Variants in TLL2 observed in about 807,000 individuals in gnomAD.
TLL2 encodes tolloid-like protein 2.
TLL2 carries 106 observed loss-of-function variants against 123.0 expected under a neutral mutation model. The ratio of observed to expected loss-of-function variants is 0.86; its 90% CI spans 0.74 to 1.01. TLL2 has a LOEUF of 1.01. Among genes scored for constraint, TLL2 ranks in the 50% least tolerant of loss-of-function variants. The pLI is 0.00. For missense variants in TLL2, 1,332 were observed against 1,336.7 expected (o/e 1.00, Z 0.06); for synonymous variants, 494 against 516.8 (o/e 0.96, Z 0.60).
chr10:96,437,216 A>T (rs1846805613), intron 3 of TLL2, among the ~76,000 whole-genome samples: 1 of 152,310 alleles, frequency 6.6e-6, no homozygotes, highest in East Asian at 1.9e-4. Context: ...ATAAATTGAA[A>T]TTTTTATTTA....
chr10:96,376,839 A>G lies in TLL2; in HGVS notation c.2321-20T>C. ...AGCCAGCTGGGGGTGGCAGGGGGAC[A>G]CATACAAAGAGAGAAGTCATTCACT... On this transcript the variant is annotated intron_variant, in intron 17 of 20. Transcript: ENST00000357947. 1 of 1,505,596 alleles carries G rather than the reference A, an allele frequency of 6.6e-7. No homozygotes were observed. Among genetic ancestry groups the G allele is most frequent in the Middle Eastern group, 1.8e-4 (1 of 5,482 alleles). The allele number at this position is 1,505,596 out of a possible 1,614,324, so 93.3% of individuals were successfully genotyped here.
chr10:96,421,929 A>C (rs1846628180), intron 6 of TLL2, among the ~76,000 whole-genome samples: 1 of 152,228 alleles, frequency 6.6e-6, no homozygotes, highest in African/African-American at 2.4e-5. Context: ...AGTTAAGTTC[A>C]ATCCTAAATA....
At chr10:96,383,923 G>A (rs1203351446) in intron 16 of TLL2, among the ~76,000 whole-genome samples, 1 of 151,954 alleles carries the variant, frequency 6.6e-6, no homozygotes, top group Non-Finnish European at 1.5e-5. Context: ...GAGCCACCAC[G>A]CCCGGCCTAA....
chr10:96,448,780 T>G (rs1846925750), intron 2 of TLL2, among the ~76,000 whole-genome samples: 1 of 150,152 alleles, frequency 6.7e-6, no homozygotes, highest in Admixed American at 6.7e-5. Flanking sequence ...CGGGGGGAGG[T>G]GGGTACGACT....
At chr10:96,510,890 G>A (rs1236032327) in intron 1 of TLL2, among the ~76,000 whole-genome samples, 1 of 152,188 alleles carries the variant, frequency 6.6e-6, no homozygotes. Flanking sequence ...TGAGGACCAA[G>A]AGCACAAGCT....
At chr10:96,433,763 C>T (rs1381973885) in intron 3 of TLL2, among the ~76,000 whole-genome samples, 1 of 151,970 alleles carries the variant, frequency 6.6e-6, no homozygotes, top group Non-Finnish European at 1.5e-5. Flanking sequence ...TTTTTGCAGA[C>T]TCTTTTCTTT....
rs376213494 is a variant in TLL2, at chr10:96,421,010, C to T, written c.869G>A (p.Gly290Glu). 28 of 1,613,986 alleles carry T rather than the reference C, an allele frequency of 1.7e-5. No individual in the cohort carries two copies. Among genetic ancestry groups the T allele is most frequent in the Middle Eastern group, 1.6e-4 (1 of 6,082 alleles). ...KMEAGEVSSL[G>E]ETYDFDSIMH... Reference sequence around the variant, plus strand: ...GATGCTGTCAAAGTCGTATGTCTCTCCCAGAGAGCTCACTTCCCCAGCTTC... The same window carrying T: ...GATGCTGTCAAAGTCGTATGTCTCTTCCAGAGAGCTCACTTCCCCAGCTTC... The change falls in exon 7 of 21, where the codon GGA becomes GAA. Residue 290 changes from glycine (G) to glutamate (E), a missense_variant. Gly to Glu is a moderately conservative substitution (Grantham distance 98). Coordinates refer to ENST00000357947, the MANE Select transcript of TLL2 (RefSeq NM_012465.4).
intron 9 of TLL2, among the ~76,000 whole-genome samples, chr10:96,408,476 A>T (rs191686592): frequency 2.6e-5 from 4 of 152,324 alleles, no homozygotes; most frequent in Admixed American, 2.6e-4. Context: ...GGCTTGATGA[A>T]GTTTACACAG....
intron 10 of TLL2, among the ~76,000 whole-genome samples, chr10:96,398,483 T>A (rs1430394450): frequency 6.6e-6 from 1 of 152,148 alleles, no homozygotes; most frequent in East Asian, 1.9e-4. Context: ...TACTACCTGA[T>A]GGAAAGGGGG....
chr10:96,497,840 A>G (rs1334363353), intron 1 of TLL2, among the ~76,000 whole-genome samples: 1 of 152,226 alleles, frequency 6.6e-6, no homozygotes, highest in Non-Finnish European at 1.5e-5. Context: ...TCTTTCCATT[A>G]TTTCCATAGC....
intron 1 of TLL2, among the ~76,000 whole-genome samples, chr10:96,506,076 AC>A (rs1457499023): frequency 6.6e-6 from 1 of 151,630 alleles, no homozygotes; most frequent in Non-Finnish European, 1.5e-5. Context: ...ACCTGGGGAA[AC>A]CCTGTCTCTA....
At position 96,432,884 on chromosome 10, in the gene TLL2, C is replaced by T. The variant is rs774440560; in HGVS notation, c.443G>A (p.Arg148Gln). 134 of 1,613,972 alleles carry T rather than the reference C, an allele frequency of 8.3e-5. No homozygotes were observed. The highest frequency in any genetic ancestry group is 1.1e-4 in the Non-Finnish European group (125 of 1,180,018). ...CTCTGTCCTTGAGGTTGTGGCTCTT[C>T]GGACCCGGGGAGAGAAGGTCTTGGC... is the stretch of plus-strand genomic sequence containing the variant. ...AAAKTFSPRV[R>Q]RATTSRTERI... The change falls in exon 4 of 21, where the codon CGA (arginine) becomes CAA (glutamine). Residue 148 changes from arginine (R) to glutamine (Q), a missense_variant. Physicochemically the swap from Arg to Gln is conservative, Grantham distance 43. Transcript: ENST00000357947.
chr10:96,472,923 A>G (rs1275070206), intron 2 of TLL2, among the ~76,000 whole-genome samples: 2 of 152,132 alleles, frequency 1.3e-5, no homozygotes, highest in Admixed American at 6.5e-5. Context: ...CTGGTGTTCA[A>G]TGCCTACCTT....
intron 13 of TLL2, among the ~76,000 whole-genome samples, chr10:96,390,931 A>G (rs1846281627): frequency 1.3e-5 from 2 of 152,264 alleles, no homozygotes; most frequent in African/African-American, 2.4e-5. Flanking sequence ...AATATTGTGT[A>G]TATTGATTAC....
At chr10:96,418,040 C>T (rs1034061186) in intron 7 of TLL2, among the ~76,000 whole-genome samples, 5 of 152,150 alleles carry the variant, frequency 3.3e-5, no homozygotes, top group Non-Finnish European at 7.3e-5. Context: ...TGTGTGCTGC[C>T]CCTGCTGATC....
At chr10:96,398,045 C>T (rs964809866) in intron 10 of TLL2, among the ~76,000 whole-genome samples, 2 of 152,174 alleles carry the variant, frequency 1.3e-5, no homozygotes, top group African/African-American at 4.8e-5. Flanking sequence ...TGTGCCCACC[C>T]GCCAAGGTCA....
At chr10:96,451,460 CATA>C (rs1846958018) in intron 2 of TLL2, among the ~76,000 whole-genome samples, 1 of 152,182 alleles carries the variant, frequency 6.6e-6, no homozygotes, top group African/African-American at 2.4e-5. Flanking sequence ...AGCCTTGTGC[CATA>C]GATTAATATT....
At chr10:96,406,952 C>T (rs1846457311) in intron 9 of TLL2, among the ~76,000 whole-genome samples, 1 of 152,100 alleles carries the variant, frequency 6.6e-6, no homozygotes, top group Admixed American at 6.5e-5. Flanking sequence ...TCTCGCTCCT[C>T]CTGCCTCACC....
At chr10:96,396,165 C>A in intron 11 of TLL2, 145 bp from the exon 12 acceptor site, 1 of 929,310 alleles carries the variant, frequency 1.1e-6, no homozygotes, top group Non-Finnish European at 1.6e-6. Context: ...CCCACAAACA[C>A]CGCGCCTCCA....
Sources: gnomAD v4.1 joint callset for allele counts (sites outside exome capture counted in the v4.1 genomes callset) on GRCh38, gnomAD v4.1.1 for gene constraint, MANE v1.5 for transcripts, NCBI Gene and HGNC (gene_info 2026-07-23, HGNC 2026-07-21) for gene names.